ESRRG: variants seen among roughly 807,000 people sequenced by gnomAD.
ESRRG encodes the protein estrogen related receptor gamma.
Under a neutral mutation model 44.0 loss-of-function variants are expected in ESRRG, and 13 were observed. The observed-to-expected ratio is 0.30, with a 90% CI of 0.19 to 0.47. The LOEUF is 0.47. Among genes scored for constraint, ESRRG ranks in the 20% least tolerant of loss-of-function variants. The pLI, the probability that ESRRG is intolerant of heterozygous loss-of-function variation, is 1.00. For synonymous variants in ESRRG, 215 were observed against 214.6 expected (o/e 1.00, Z -0.02); for missense variants, 395 against 580.6 (o/e 0.68, Z 3.29).
intron 3 of ESRRG, among the ~76,000 whole-genome samples, chr1:216,625,697 T>C (rs2063077948): frequency 6.6e-6 from 1 of 152,202 alleles, no homozygotes; most frequent in Admixed American, 6.5e-5. Context: ...TGTCTTCGTG[T>C]CCATCATTAT....
intron 1 of ESRRG, among the ~76,000 whole-genome samples, chr1:216,969,234 G>A (rs569164412): frequency 2.6e-5 from 4 of 152,256 alleles, no homozygotes; most frequent in African/African-American, 7.2e-5. Context: ...TCACCTTCCA[G>A]TGAGGAGAAT....
chr1:217,107,711 G>C (rs1299430754), intron 1 of ESRRG, among the ~76,000 whole-genome samples: 1 of 152,076 alleles, frequency 6.6e-6, no homozygotes, highest in African/African-American at 2.4e-5. Context: ...AATTCAGTCT[G>C]AGCTACTTAT....
chr1:216,924,203 A>G (rs1001644087), intron 2 of ESRRG, among the ~76,000 whole-genome samples: 2 of 152,126 alleles, frequency 1.3e-5, no homozygotes, highest in African/African-American at 4.8e-5. Context: ...GTATATTTCC[A>G]TGACTGCTAC....
In ESRRG at chr1:216,769,404, C is replaced by A. The variant is rs908614302; in HGVS notation, c.-13-91913G>T. On this transcript the variant is annotated intron_variant, in intron 2 of 7. Coordinates refer to the ESRRG transcript ENST00000359162. Reference sequence around the variant, plus strand: ...AAGAGAACTGAAAGAGTAAACAAACCAAATTTATTTAAGTATGTTGGCAAA... The same window carrying A: ...AAGAGAACTGAAAGAGTAAACAAACAAAATTTATTTAAGTATGTTGGCAAA... Among the ~76,000 whole-genome samples, 5 of 152,020 alleles carry A rather than the reference C, an allele frequency of 3.3e-5. No homozygotes were observed. In the East Asian group the frequency reaches 9.7e-4, roughly 30 times the overall value.
At chr1:217,104,307 G>A (rs1336504640) in intron 1 of ESRRG, among the ~76,000 whole-genome samples, 1 of 152,118 alleles carries the variant, frequency 6.6e-6, no homozygotes, top group East Asian at 1.9e-4. Flanking sequence ...GGAAGATGCT[G>A]GAAGCTACTG....
chr1:217,085,625 G>C (rs190121974), intron 1 of ESRRG, among the ~76,000 whole-genome samples: 1 of 150,950 alleles, frequency 6.6e-6, no homozygotes, highest in East Asian at 2.0e-4. Context: ...TGAGTAGCTG[G>C]GATTACAGGT....
At chr1:216,644,804 T>A (rs2067201507) in intron 3 of ESRRG, among the ~76,000 whole-genome samples, 1 of 152,168 alleles carries the variant, frequency 6.6e-6, no homozygotes, top group Admixed American at 6.6e-5. Context: ...AACACATAAC[T>A]ATCTGATTTG....
chr1:216,849,756 A>C (rs945583650), intron 2 of ESRRG, among the ~76,000 whole-genome samples: 2 of 152,140 alleles, frequency 1.3e-5, no homozygotes, highest in African/African-American at 4.8e-5. Context: ...TAGAAATTTC[A>C]GTATCTTCCC....
At chr1:216,906,463 T>C (rs1204283338) in intron 2 of ESRRG, among the ~76,000 whole-genome samples, 1 of 152,140 alleles carries the variant, frequency 6.6e-6, no homozygotes, top group African/African-American at 2.4e-5. Context: ...CCATCAGACA[T>C]ATGGCCAGGA....
chr1:216,832,492 A>G (rs2095502164), intron 2 of ESRRG, among the ~76,000 whole-genome samples: 1 of 152,132 alleles, frequency 6.6e-6, no homozygotes, highest in African/African-American at 2.4e-5. Flanking sequence ...CCCTTTACAT[A>G]AACAGCAACT....
At chr1:216,573,448 A>G (rs1316951767) in intron 3 of ESRRG, among the ~76,000 whole-genome samples, 2 of 151,968 alleles carry the variant, frequency 1.3e-5, no homozygotes, top group African/African-American at 2.4e-5. Flanking sequence ...ATAACATTAC[A>G]TTATGGTTAT....
intron 2 of ESRRG, among the ~76,000 whole-genome samples, chr1:216,865,361 T>C (rs951515530): frequency 1.3e-5 from 2 of 152,064 alleles, no homozygotes; most frequent in African/African-American, 4.8e-5. Context: ...CATATGTTAT[T>C]TTAAATGAAC....
intron 3 of ESRRG, among the ~76,000 whole-genome samples, chr1:216,614,088 C>A (rs187649902): frequency 6.6e-6 from 1 of 152,190 alleles, no homozygotes; most frequent in Non-Finnish European, 1.5e-5. Context: ...CAAAGAGAGA[C>A]GATTTATGCT....
intron 5 of ESRRG, among the ~76,000 whole-genome samples, chr1:216,533,616 C>T (rs1402806564): frequency 6.6e-6 from 1 of 152,082 alleles, no homozygotes; most frequent in African/African-American, 2.4e-5. Context: ...CTTTTACTCC[C>T]ATTCTTTTTA....
intron 1 of ESRRG, among the ~76,000 whole-genome samples, chr1:216,972,134 C>T (rs1578876896): frequency 6.6e-6 from 1 of 151,944 alleles, no homozygotes; most frequent in East Asian, 1.9e-4. Flanking sequence ...CCTATCAGAC[C>T]AATTGGAGTG....
chr1:216,690,472 G>GT lies in ESRRG; in HGVS notation c.57-12982dup, dbSNP rs375437957. Among the ~76,000 whole-genome samples, 277 of 152,216 alleles carry GT rather than the reference G, an allele frequency of 1.8e-3. 2 individuals are homozygous for GT. Among genetic ancestry groups the GT allele is most frequent in the African/African-American group, 6.5e-3 (270 of 41,542 alleles). On this transcript the variant is annotated intron_variant, in intron 1 of 6. Transcript: ENST00000408911. ...AATCATCATAATAGAAATCACAGTG[G>GT]TTTTCTGGAGCAAGGAGTGAGGATT... is the stretch of plus-strand genomic sequence containing the variant.
intron 1 of ESRRG, among the ~76,000 whole-genome samples, chr1:217,004,095 G>C (rs528335750): frequency 3.0e-4 from 45 of 152,132 alleles, no homozygotes; most frequent in Admixed American, 2.9e-3. Context: ...CCAATGCATA[G>C]ACTGTGTTAT....
intron 2 of ESRRG, among the ~76,000 whole-genome samples, chr1:216,888,265 C>A (rs536675874): frequency 3.3e-4 from 51 of 152,298 alleles, no homozygotes; most frequent in African/African-American, 4.3e-4. Flanking sequence ...TTTTTAAAAT[C>A]CAATTCTGGG....
intron 5 of ESRRG, among the ~76,000 whole-genome samples, chr1:216,532,083 C>T (rs1245181153): frequency 2.0e-5 from 3 of 151,524 alleles, no homozygotes; most frequent in African/African-American, 7.3e-5. Context: ...GAGGCAGAGA[C>T]TCTTCTGTCT....
Sources: gnomAD v4.1 joint callset for allele counts (sites outside exome capture counted in the v4.1 genomes callset) on GRCh38, gnomAD v4.1.1 for gene constraint, MANE v1.5 for transcripts, NCBI Gene and HGNC (gene_info 2026-07-23, HGNC 2026-07-21) for gene names.